LARP4: variants seen among roughly 807,000 people sequenced by gnomAD.
LARP4 encodes the protein la-related protein 4.
In LARP4, 29 loss-of-function variants were observed where a neutral mutation model predicts 92.9. That is an observed-to-expected ratio of 0.31 (90% CI 0.23 to 0.43). The LOEUF (loss-of-function observed/expected upper bound fraction) is 0.43, where lower values mean the gene tolerates loss of function less well. Ranked by LOEUF, LARP4 falls within the 20% of genes least tolerant of loss-of-function variation. LARP4 has a pLI of 1.00. For missense variants in LARP4, 732 were observed against 860.0 expected (o/e 0.85, Z 1.86); for synonymous variants, 279 against 284.1 (o/e 0.98, Z 0.18).
chr12:50,467,257 A>G, intron 13 of LARP4, 137 bp downstream of exon 13: 1 of 610,138 alleles, frequency 1.6e-6, no homozygotes, highest in South Asian at 4.0e-5. Flanking sequence ...CAGCATACTT[A>G]GAGTGTTTTT....
At chr12:50,471,718 G>A (rs1174114484) in intron 13 of LARP4, among the ~76,000 whole-genome samples, 2 of 152,048 alleles carry the variant, frequency 1.3e-5, no homozygotes, top group African/African-American at 4.8e-5. Context: ...ACAGGGTTTC[G>A]TCTTGTTGGC....
chr12:50,402,828 A>G (rs1345806616), intron 1 of LARP4: 8 of 454,546 alleles, frequency 1.8e-5, no homozygotes, highest in African/African-American at 6.0e-5. Context: ...GACAAATTCT[A>G]TCGTATCTCT....
At position 50,478,565 on chromosome 12, in the gene LARP4, G is replaced by A. The variant is rs1294518633; in HGVS notation, c.*2701G>A. On this transcript the variant is annotated 3_prime_UTR_variant, in exon 16 of 16. Coordinates refer to ENST00000398473, the MANE Select transcript of LARP4 (RefSeq NM_052879.5). ...ATTTTTCTCTTCACCTTTATGACTT[G>A]ACATTTCCTTGATCTGTTGGAGGCT... 6.6e-6 allele frequency: 1 copy of A among 151,972 alleles called. No homozygotes were observed. The highest frequency in any genetic ancestry group is 1.5e-5 in the Non-Finnish European group (1 of 67,938). The allele number at this position is 151,972 out of a possible 1,614,324, so 9.4% of individuals were successfully genotyped here.
At chr12:50,430,446 T>C in intron 3 of LARP4, 49 bp from the exon 4 acceptor site, 2 of 979,732 alleles carry the variant, frequency 2.0e-6, no homozygotes, top group South Asian at 1.4e-5. Context: ...ATTTATCACC[T>C]CTACTAACAT....
At chr12:50,463,973 T>G (rs1955811759) in intron 12 of LARP4, among the ~76,000 whole-genome samples, 2 of 152,138 alleles carry the variant, frequency 1.3e-5, no homozygotes, top group African/African-American at 4.8e-5. Context: ...CCTCTGAAAT[T>G]GAGTCAGAGG....
At position 50,475,797 on chromosome 12, in the gene LARP4, C is replaced by T. The variant is rs779497198; in HGVS notation, c.2108C>T (p.Ala703Val). The T allele has an allele frequency of 8.1e-6, 13 of 1,614,028 alleles. No individual in the cohort carries two copies. The highest frequency in any genetic ancestry group is 1.1e-5 in the Non-Finnish European group (13 of 1,180,042). Reference protein sequence around the residue: ...REQRRQFSHRAIPQGVTRRNG... With the variant: ...REQRRQFSHRVIPQGVTRRNG... Reference sequence around the variant, plus strand: ...CAGAGACGCCAGTTTAGCCATAGGGCTATACCTCAGGGAGTGACTCGACGT... The same window carrying T: ...CAGAGACGCCAGTTTAGCCATAGGGTTATACCTCAGGGAGTGACTCGACGT... The change falls in exon 16 of 16, where the codon GCT (alanine) becomes GTT (valine). Residue 703 changes from alanine to valine, a missense_variant. Transcript: ENST00000398473.
chr12:50,458,414 G>A (rs1041113314), intron 10 of LARP4, among the ~76,000 whole-genome samples: 1 of 152,078 alleles, frequency 6.6e-6, no homozygotes, highest in Non-Finnish European at 1.5e-5. Flanking sequence ...ACAGGTGTGA[G>A]CCACCACACC....
At chr12:50,428,299 A>C (rs529003226) in intron 2 of LARP4, among the ~76,000 whole-genome samples, 2 of 152,278 alleles carry the variant, frequency 1.3e-5, no homozygotes, top group Non-Finnish European at 2.9e-5. Flanking sequence ...AAGTGCTGGG[A>C]TTACAGGTGT....
chr12:50,418,773 C>T (rs1947266378), intron 1 of LARP4, among the ~76,000 whole-genome samples: 1 of 152,126 alleles, frequency 6.6e-6, no homozygotes, highest in African/African-American at 2.4e-5. Context: ...GACTGTAGTA[C>T]AATCATGTGA....
At chr12:50,460,387 G>C (rs1250259901) in intron 10 of LARP4, among the ~76,000 whole-genome samples, 1 of 152,094 alleles carries the variant, frequency 6.6e-6, no homozygotes, top group African/African-American at 2.4e-5. Flanking sequence ...GAATTCAGTT[G>C]TGCAATCATA....
intron 1 of LARP4, among the ~76,000 whole-genome samples, chr12:50,413,408 A>G (rs1281930527): frequency 2.0e-5 from 3 of 152,152 alleles, no homozygotes; most frequent in Non-Finnish European, 2.9e-5. Context: ...ACACTGTAAA[A>G]TATATATTTT....
chr12:50,415,716 G>T (rs1352375537), intron 1 of LARP4: 2 of 148,380 alleles, frequency 1.3e-5, no homozygotes, highest in African/African-American at 4.9e-5. Flanking sequence ...TTTGAGACGG[G>T]CTCACTTTGT....
chr12:50,443,865 G>A (rs952369616), intron 8 of LARP4, among the ~76,000 whole-genome samples: 1 of 150,884 alleles, frequency 6.6e-6, no homozygotes, highest in Non-Finnish European at 1.5e-5. Flanking sequence ...CACCCACCTC[G>A]GCCTCCCAAA....
At chr12:50,451,364 G>T (rs928779955) in intron 8 of LARP4, among the ~76,000 whole-genome samples, 6 of 152,086 alleles carry the variant, frequency 3.9e-5, no homozygotes, top group East Asian at 1.9e-4. Flanking sequence ...TGTCTTCTAG[G>T]TTCATTCAGG....
At chr12:50,440,887 CTTT>C (rs965808100) in intron 7 of LARP4, among the ~76,000 whole-genome samples, 1 of 143,242 alleles carries the variant, frequency 7.0e-6, no homozygotes. Flanking sequence ...TGGTTTTATT[CTTT>C]TTTTTTTTTT....
intron 1 of LARP4, among the ~76,000 whole-genome samples, chr12:50,423,517 C>T (rs1218573436): frequency 1.3e-5 from 2 of 152,176 alleles, no homozygotes; most frequent in East Asian, 1.9e-4. Context: ...GGCGTAATCT[C>T]GGCTCACCAC....
intron 1 of LARP4, among the ~76,000 whole-genome samples, chr12:50,418,005 C>T (rs1314328013): frequency 6.6e-6 from 1 of 152,236 alleles, no homozygotes; most frequent in Non-Finnish European, 1.5e-5. Flanking sequence ...GGATTACAGG[C>T]ACCCACCACC....
intron 6 of LARP4, among the ~76,000 whole-genome samples, 192 bp downstream of exon 6, chr12:50,438,030 A>G (rs997425192): frequency 6.6e-6 from 1 of 152,226 alleles, no homozygotes; most frequent in Non-Finnish European, 1.5e-5. Flanking sequence ...AGGATGGTAT[A>G]GAGAAAGGAA....
At chr12:50,445,517 A>C (rs1160339033) in intron 8 of LARP4, among the ~76,000 whole-genome samples, 1 of 151,840 alleles carries the variant, frequency 6.6e-6, no homozygotes, top group Non-Finnish European at 1.5e-5. Flanking sequence ...ACTTGCCAAA[A>C]ATTTTTTCTG....
Sources: gnomAD v4.1 joint callset for allele counts (sites outside exome capture counted in the v4.1 genomes callset) on GRCh38, gnomAD v4.1.1 for gene constraint, MANE v1.5 for transcripts, NCBI Gene and HGNC (gene_info 2026-07-23, HGNC 2026-07-21) for gene names.